Variants in LRRC4C observed in about 807,000 individuals in gnomAD.
The protein encoded by LRRC4C is leucine rich repeat containing 4C.
In LRRC4C, 5 loss-of-function variants were observed where a neutral mutation model predicts 33.6. The observed-to-expected ratio is 0.15, with a 90% CI of 0.08 to 0.31. The LOEUF is 0.31. Ranked by LOEUF, LRRC4C falls within the 10% of genes least tolerant of loss-of-function variation. LRRC4C has a pLI of 1.00. For synonymous variants in LRRC4C, 329 were observed against 302.0 expected (o/e 1.09, Z -0.93); for missense variants, 560 against 796.7 (o/e 0.70, Z 3.58).
At chr11:41,066,791 A>C (rs1363340984) in intron 1 of LRRC4C, among the ~76,000 whole-genome samples, 1 of 152,224 alleles carries the variant, frequency 6.6e-6, no homozygotes, top group Admixed American at 6.5e-5. Context: ...TTTCCAACCC[A>C]GAATTTCATA....
chr11:41,147,146 A>G (rs887439493), intron 1 of LRRC4C, among the ~76,000 whole-genome samples: 4 of 152,138 alleles, frequency 2.6e-5, no homozygotes, highest in African/African-American at 4.8e-5. Context: ...TTAAACCAAG[A>G]TATATTCTCT....
At chr11:41,344,180 G>A (rs114431298) in intron 1 of LRRC4C, among the ~76,000 whole-genome samples, 6 of 149,568 alleles carry the variant, frequency 4.0e-5, no homozygotes, top group Admixed American at 1.3e-4. Flanking sequence ...AGAGCCCAGT[G>A]ATTTTCCCAA....
intron 3 of LRRC4C, among the ~76,000 whole-genome samples, chr11:40,616,658 G>A (rs1961867698): frequency 6.6e-6 from 1 of 151,670 alleles, no homozygotes; most frequent in Non-Finnish European, 1.5e-5. Context: ...ACTATCGCAA[G>A]GACAAAAAAC....
intron 1 of LRRC4C, among the ~76,000 whole-genome samples, chr11:40,941,760 C>G (rs528020010): frequency 2.6e-4 from 40 of 152,202 alleles, no homozygotes; most frequent in African/African-American, 9.6e-4. Flanking sequence ...CACTAAGGAT[C>G]AAACAGTATG....
chr11:40,421,402 T>A (rs930050866), intron 3 of LRRC4C, among the ~76,000 whole-genome samples: 1 of 152,168 alleles, frequency 6.6e-6, no homozygotes, highest in African/African-American at 2.4e-5. Context: ...TGGTGGCCTT[T>A]GTAATAGGGC....
chr11:41,439,764 C>T (rs1379554131), intron 1 of LRRC4C, among the ~76,000 whole-genome samples: 2 of 152,068 alleles, frequency 1.3e-5, no homozygotes, highest in African/African-American at 4.8e-5. Flanking sequence ...TGTGGAAAGT[C>T]CCAGTTTAGT....
At chr11:41,045,481 G>C (rs1009253310) in intron 1 of LRRC4C, among the ~76,000 whole-genome samples, 2 of 152,116 alleles carry the variant, frequency 1.3e-5, no homozygotes, top group Non-Finnish European at 2.9e-5. Flanking sequence ...ACAGAAGGAC[G>C]AGTTGACGTT....
At chr11:41,396,484 C>T (rs1423231220) in intron 1 of LRRC4C, among the ~76,000 whole-genome samples, 4 of 151,956 alleles carry the variant, frequency 2.6e-5, no homozygotes, top group African/African-American at 9.7e-5. Flanking sequence ...TCTTCACTTT[C>T]TGATCTCTGC....
chr11:41,112,533 G>T (rs991520640), intron 1 of LRRC4C, among the ~76,000 whole-genome samples: 18 of 152,042 alleles, frequency 1.2e-4, no homozygotes, highest in African/African-American at 3.9e-4. Flanking sequence ...TAGTGGCTTT[G>T]AATCAAGGCA....
intron 4 of LRRC4C, among the ~76,000 whole-genome samples, chr11:40,290,448 A>G (rs539132570): frequency 6.6e-6 from 1 of 152,254 alleles, no homozygotes; most frequent in Admixed American, 6.5e-5. Flanking sequence ...AGAAAAATAA[A>G]TTAGAGAAGT....
chr11:40,124,614 G>A lies in LRRC4C; in HGVS notation c.-42-8280C>T, dbSNP rs188810848. Among the ~76,000 whole-genome samples, 376 of 152,216 alleles carry A rather than the reference G, an allele frequency of 2.5e-3. 4 individuals are homozygous for A. Among genetic ancestry groups the A allele is most frequent in the African/African-American group, 8.6e-3 (359 of 41,558 alleles). ...GTGAGAGCTAAAAAGTAAAACAATTGACTAATGGAGATAGAGAGCAGAATG... is the reference window on the plus strand; with the variant it reads ...GTGAGAGCTAAAAAGTAAAACAATTAACTAATGGAGATAGAGAGCAGAATG... On this transcript the variant is annotated intron_variant, in intron 6 of 6. Coordinates refer to ENST00000528697, the MANE Select transcript of LRRC4C (RefSeq NM_001258419.2).
At chr11:40,219,311 T>C (rs1207502763) in intron 5 of LRRC4C, among the ~76,000 whole-genome samples, 1 of 152,220 alleles carries the variant, frequency 6.6e-6, no homozygotes, top group Non-Finnish European at 1.5e-5. Context: ...GAAATTTCTA[T>C]GGGACAGTGC....
intron 1 of LRRC4C, among the ~76,000 whole-genome samples, chr11:40,946,596 G>A (rs755953698): frequency 1.2e-4 from 19 of 152,178 alleles, no homozygotes; most frequent in Non-Finnish European, 2.4e-4. Flanking sequence ...TGCCAGCCTT[G>A]CCAACCAAAA....
chr11:41,190,349 C>A (rs868158322), intron 1 of LRRC4C, among the ~76,000 whole-genome samples: 5 of 152,166 alleles, frequency 3.3e-5, no homozygotes, highest in South Asian at 2.1e-4. Context: ...GGCAAACTGG[C>A]AAAGCAAACA....
intron 3 of LRRC4C, among the ~76,000 whole-genome samples, chr11:40,535,640 G>A (rs941658985): frequency 2.6e-5 from 4 of 152,176 alleles, no homozygotes; most frequent in African/African-American, 9.6e-5. Context: ...GTTGTTGAAT[G>A]ACTTGATTTA....
chr11:40,651,321 A>G (rs1942783027), intron 2 of LRRC4C, among the ~76,000 whole-genome samples: 1 of 152,092 alleles, frequency 6.6e-6, no homozygotes, highest in Non-Finnish European at 1.5e-5. Context: ...ATAGTAAGAA[A>G]ACATAGTAGA....
intron 2 of LRRC4C, among the ~76,000 whole-genome samples, chr11:40,837,050 TG>T (rs1416766280): frequency 2.6e-5 from 4 of 152,284 alleles, no homozygotes; most frequent in African/African-American, 9.6e-5. Flanking sequence ...AAAATCGGTT[TG>T]TTTGTATTGG....
At chr11:41,415,864 G>A (rs1954659504) in intron 1 of LRRC4C, among the ~76,000 whole-genome samples, 2 of 152,080 alleles carry the variant, frequency 1.3e-5, no homozygotes, top group South Asian at 4.1e-4. Context: ...TGAGAATATA[G>A]ACTGCTTTTG....
chr11:40,484,542 A>T (rs560427070), intron 3 of LRRC4C, among the ~76,000 whole-genome samples: 35 of 152,220 alleles, frequency 2.3e-4, no homozygotes, highest in African/African-American at 8.2e-4. Context: ...AAATACAAAC[A>T]AGAAACTAAC....
Sources: allele counts gnomAD v4.1 joint callset (sites outside exome capture counted in the v4.1 genomes callset), GRCh38; gene constraint gnomAD v4.1.1; transcripts MANE v1.5; gene names NCBI Gene and HGNC (gene_info 2026-07-23, HGNC 2026-07-21).